BST1: variants seen among roughly 807,000 people sequenced by gnomAD.
The protein encoded by BST1 is bone marrow stromal cell antigen 1, also known as ADP-ribosyl cyclase/cyclic ADP-ribose hydrolase 2.
Under a neutral mutation model 40.6 loss-of-function variants are expected in BST1, and 49 were observed. The observed-to-expected ratio is 1.21, with a 90% CI of 0.96 to 1.53. The LOEUF (loss-of-function observed/expected upper bound fraction) is 1.53, where lower values mean the gene tolerates loss of function less well. BST1 is among the 40% of genes most tolerant of loss of function. The pLI is 0.00. For missense variants in BST1, 423 were observed against 395.9 expected (o/e 1.07, Z -0.58); for synonymous variants, 157 against 159.3 (o/e 0.99, Z 0.11).
intron 1 of BST1, among the ~76,000 whole-genome samples, chr4:15,704,406 GTGTGTGTGTGTTCTAGAGGTGAGT>G (rs1719760685): frequency 6.6e-6 from 1 of 150,392 alleles, no homozygotes; most frequent in Admixed American, 6.6e-5. Flanking sequence ...AGGGATGTGT[GTGTGTGTGTGTTCTAGAGGTGAGT>G]TGTGTGTGTG....
chr4:15,759,207 T>C, the BST1 span, among the ~76,000 whole-genome samples: 8 of 151,914 alleles, frequency 5.3e-5, no homozygotes, highest in African/African-American at 1.5e-4. Context: ...AAGAATAACA[T>C]CCAGATTATA....
At chr4:15,706,203 G>C (rs4235381) in intron 2 of BST1, among the ~76,000 whole-genome samples, 150,904 of 152,346 alleles carry the variant, frequency 0.99, 74,737 homozygotes, top group Middle Eastern at 1. Context: ...AATAGTGATT[G>C]TAGATCTCCC....
chr4:15,752,919 CATATAAATCACTAAGAAG>C, the BST1 span, among the ~76,000 whole-genome samples: 12 of 151,964 alleles, frequency 7.9e-5, no homozygotes, highest in African/African-American at 2.4e-4. Context: ...GTAAATAGTA[CATATAAATCACTAAGAAG>C]ATATAAATCA....
At chr4:15,749,192 C>G in the BST1 span, among the ~76,000 whole-genome samples, 4 of 152,138 alleles carry the variant, frequency 2.6e-5, no homozygotes, top group African/African-American at 9.7e-5. Flanking sequence ...CAGGCTGCCC[C>G]GTGTGGGGGC....
intron 8 of BST1, among the ~76,000 whole-genome samples, chr4:15,730,161 G>A (rs1252743898): frequency 1.3e-5 from 2 of 152,194 alleles, no homozygotes; most frequent in East Asian, 3.8e-4. Flanking sequence ...GCAAAAAAGA[G>A]AGGACCAGCA....
At position 15,728,449 on chromosome 4, in the gene BST1, CTTTTTTT is replaced by C. The variant is rs974237825; in HGVS notation, c.852-3278_852-3272del. Reference sequence around the variant, plus strand: ...TACTATTAAGTAACTAATTCTTTTTCTTTTTTTTTTTTTTTTTTTGGAGACAGGTTAT... The same window carrying C: ...TACTATTAAGTAACTAATTCTTTTTCTTTTTTTTTTTTGGAGACAGGTTAT... On this transcript the variant is annotated intron_variant, in intron 8 of 8. Transcript: ENST00000265016. 2.7e-3 allele frequency among the ~76,000 whole-genome samples: 326 copies of C among 119,602 alleles called. 5 individuals carry two copies. Among genetic ancestry groups the C allele is most frequent in the African/African-American group, 9.9e-3 (313 of 31,530 alleles). 78.5% of individuals were successfully genotyped at this position (119,602 alleles called of 152,430 possible). A position where few individuals can be genotyped will look rare whatever the true frequency, so the allele number is the denominator to read the frequency against.
At chr4:15,752,755 G>A in the BST1 span, among the ~76,000 whole-genome samples, 4 of 152,250 alleles carry the variant, frequency 2.6e-5, no homozygotes, top group East Asian at 7.7e-4. Context: ...AAGGAGGCCA[G>A]GATGGCAGGA....
downstream of BST1, among the ~76,000 whole-genome samples, chr4:15,740,074 G>A (rs746758261): frequency 6.6e-6 from 1 of 152,074 alleles, no homozygotes; most frequent in African/African-American, 2.4e-5. Context: ...GGGCAGGGGG[G>A]ACTGAATCTC....
chr4:15,741,834 T>G (rs73224677), downstream of BST1, among the ~76,000 whole-genome samples: 34,436 of 152,092 alleles, frequency 0.23, 4,104 homozygotes, highest in East Asian at 0.38. Context: ...AAGTATTATC[T>G]CACCTTTTAC....
At chr4:15,762,251 A>G in the BST1 span, among the ~76,000 whole-genome samples, 1 of 150,350 alleles carries the variant, frequency 6.7e-6, no homozygotes, top group Non-Finnish European at 1.5e-5. Flanking sequence ...ATGCATACAT[A>G]TGTGTGTGTA....
At chr4:15,737,723 C>A, downstream of BST1, 2 of 1,185,640 alleles carry the variant, frequency 1.7e-6, no homozygotes, top group Non-Finnish European at 1.1e-6. Context: ...AGGTACCTTA[C>A]ACTTGGCTGT....
intron 3 of BST1, among the ~76,000 whole-genome samples, 188 bp downstream of exon 3, chr4:15,707,834 A>ACTCTCTCTCT (rs146353876): frequency 0.037 from 3,987 of 106,748 alleles, 95 homozygotes; most frequent in Non-Finnish European, 0.044. Context: ...CAGTCTAAGC[A>ACTCTCTCTCT]CTCTCTCTCT....
At chr4:15,716,414 A>G (rs546245486) in intron 6 of BST1, among the ~76,000 whole-genome samples, 1 of 152,352 alleles carries the variant, frequency 6.6e-6, no homozygotes, top group African/African-American at 2.4e-5. Flanking sequence ...AAAGCTGGAC[A>G]GCCATGATGG....
intron 2 of BST1, among the ~76,000 whole-genome samples, chr4:15,706,885 A>G (rs887570271): frequency 6.6e-6 from 1 of 152,214 alleles, no homozygotes; most frequent in African/African-American, 2.4e-5. Context: ...ACAGTGAAAA[A>G]CAGCCCTCAC....
downstream of BST1, among the ~76,000 whole-genome samples, chr4:15,740,203 G>A (rs1323333939): frequency 1.3e-5 from 2 of 152,104 alleles, no homozygotes; most frequent in African/African-American, 2.4e-5. Context: ...ACAGGCACAC[G>A]CCACTATGCC....
chr4:15,707,408 T>C lies in BST1; in HGVS notation c.316-103T>C. 2.2e-6 allele frequency: 3 copies of C among 1,364,288 alleles called. No individual in the cohort carries two copies. In the South Asian group the frequency reaches 3.6e-5, roughly 16 times the overall value. 84.5% of individuals were successfully genotyped at this position (1,364,288 alleles called of 1,614,324 possible). On this transcript the variant is annotated intron_variant, in intron 2 of 8. Transcript: ENST00000265016. ...TCAGTTGTTGTGCAGCAGGTCAGAG[T>C]TGAATGAGAACTGGATTGCCCAACT...
the BST1 span, among the ~76,000 whole-genome samples, chr4:15,763,536 G>A: frequency 7.3e-5 from 11 of 151,682 alleles, no homozygotes; most frequent in Admixed American, 4.6e-4. Flanking sequence ...TACTTTTTAC[G>A]AAGGAATGTC....
chr4:15,737,005 G>A (rs1158881514), downstream of BST1, among the ~76,000 whole-genome samples: 1 of 152,196 alleles, frequency 6.6e-6, no homozygotes, highest in Non-Finnish European at 1.5e-5. Flanking sequence ...GCACCTAACA[G>A]GTTGGCCCAC....
chr4:15,747,160 C>T, the BST1 span, among the ~76,000 whole-genome samples: 1 of 152,162 alleles, frequency 6.6e-6, no homozygotes, highest in Non-Finnish European at 1.5e-5. Context: ...TGTGATCGTC[C>T]ATTGTGGTAG....
Sources: allele counts gnomAD v4.1 joint callset (sites outside exome capture counted in the v4.1 genomes callset), GRCh38; gene constraint gnomAD v4.1.1; transcripts MANE v1.5; gene names NCBI Gene and HGNC (gene_info 2026-07-23, HGNC 2026-07-21).